Variants in RBFOX1 observed in about 807,000 individuals in gnomAD.
RBFOX1 encodes RNA binding fox-1 homolog 1, also known as RNA binding protein fox-1 homolog 1.
RBFOX1 carries 8 observed loss-of-function variants against 57.7 expected under a neutral mutation model. The observed-to-expected ratio is 0.14, with a 90% CI of 0.08 to 0.25. The LOEUF is 0.25. RBFOX1 is among the 10% of genes least tolerant of loss of function. RBFOX1 has a pLI of 1.00. For synonymous variants in RBFOX1, 326 were observed against 222.4 expected (o/e 1.47, Z -4.15); for missense variants, 611 against 548.5 (o/e 1.11, Z -1.14).
At chr16:7,702,255 T>G (rs1004745967) in intron 14 of RBFOX1, among the ~76,000 whole-genome samples, 4 of 152,242 alleles carry the variant, frequency 2.6e-5, no homozygotes, top group Admixed American at 2.0e-4. Flanking sequence ...TGAGGTGTCC[T>G]AAGCTCGGAA....
chr16:6,038,069 A>AT (rs948204014), intron 1 of RBFOX1: 3 of 151,992 alleles, frequency 2.0e-5, no homozygotes, highest in South Asian at 4.2e-4. Flanking sequence ...ATATCCCTAT[A>AT]TTTTTTGGCG....
intron 3 of RBFOX1, among the ~76,000 whole-genome samples, chr16:7,014,042 T>G (rs1245935616): frequency 6.6e-6 from 1 of 152,208 alleles, no homozygotes; most frequent in Non-Finnish European, 1.5e-5. Flanking sequence ...GGATGAAATA[T>G]GTAACAGTAT....
rs147639834 is a variant in RBFOX1 at position 6,349,713 on chromosome 16, T to A, written c.-64+32656T>A. Among the ~76,000 whole-genome samples, 285 of 152,312 alleles carry A rather than the reference T, an allele frequency of 1.9e-3. 12 individuals are homozygous for A. The East Asian group carries it at 0.038, about 20-fold the overall frequency. On this transcript the variant is annotated intron_variant, in intron 2 of 15. Transcript: ENST00000550418. ...GGGAGCTAAATAGAAAATCATGGCA[T>A]TTCCCATGAAAAAAAGAGTAACATT...
intron 2 of RBFOX1, among the ~76,000 whole-genome samples, chr16:6,365,024 A>G (rs1190906166): frequency 6.6e-6 from 1 of 152,144 alleles, no homozygotes; most frequent in East Asian, 1.9e-4. Context: ...CACTTGTAGC[A>G]TCTCACAGGG....
intron 1 of RBFOX1, among the ~76,000 whole-genome samples, chr16:6,309,219 G>A (rs933191529): frequency 6.6e-6 from 1 of 152,026 alleles, no homozygotes; most frequent in Non-Finnish European, 1.5e-5. Context: ...TCTAGCTAAA[G>A]TTTGGAGCCA....
chr16:7,333,170 A>C lies in RBFOX1; in HGVS notation c.28-184977A>C, dbSNP rs984485348. 2.3e-6 allele frequency: 3 copies of C among 1,332,972 alleles called. 1 individual carries two copies. The highest frequency in any genetic ancestry group is 3.2e-6 in the Non-Finnish European group (3 of 932,398). The allele number at this position is 1,332,972 out of a possible 1,614,324, so 82.6% of individuals were successfully genotyped here. A position where few individuals can be genotyped will look rare whatever the true frequency, so the allele number is the denominator to read the frequency against. On this transcript the variant is annotated intron_variant, in intron 4 of 15. Transcript: ENST00000550418. ...TTGGAATTTTTATGGTTGAGAAAGC[A>C]AACACTTTTAATACAGGAAAAAGCC...
intron 4 of RBFOX1, among the ~76,000 whole-genome samples, chr16:5,951,513 A>G (rs1203160233): frequency 1.3e-5 from 2 of 152,066 alleles, no homozygotes; most frequent in Non-Finnish European, 2.9e-5. Flanking sequence ...ATAACTATGT[A>G]TTACATTATG....
intron 1 of RBFOX1, among the ~76,000 whole-genome samples, chr16:5,276,608 C>CA (rs1309776501): frequency 3.3e-5 from 5 of 152,024 alleles, no homozygotes; most frequent in African/African-American, 1.2e-4. Context: ...CATGGTGAAA[C>CA]CCCGTCTCTA....
rs1003986953 is a variant in RBFOX1, at chr16:7,162,556, C to G, written c.27+110458C>G. On this transcript the variant is annotated intron_variant, in intron 4 of 15. Coordinates refer to ENST00000550418, the MANE Select transcript of RBFOX1 (RefSeq NM_018723.4). ...ACCAGCCTGGCCAACATGGTGAAAC[C>G]CTGTCTCTACTAAAAAAAAAAAAAA... 4.8e-5 allele frequency among the ~76,000 whole-genome samples: 7 copies of G among 146,012 alleles called. No individual in the cohort carries two copies. The South Asian group carries it at 1.2e-3, about 24-fold the overall frequency.
At chr16:5,730,824 A>C (rs781263606) in intron 3 of RBFOX1, among the ~76,000 whole-genome samples, 10 of 152,110 alleles carry the variant, frequency 6.6e-5, no homozygotes, top group Non-Finnish European at 1.2e-4. Flanking sequence ...TGCCATTGTC[A>C]CCACCATTAT....
chr16:6,192,137 C>G (rs1340805695), intron 1 of RBFOX1, among the ~76,000 whole-genome samples: 5 of 152,120 alleles, frequency 3.3e-5, no homozygotes, highest in Non-Finnish European at 5.9e-5. Flanking sequence ...ACTATTAATT[C>G]TGTTTCCTTC....
At chr16:6,331,039 A>C (rs1001914017) in intron 2 of RBFOX1, among the ~76,000 whole-genome samples, 1 of 152,242 alleles carries the variant, frequency 6.6e-6, no homozygotes, top group African/African-American at 2.4e-5. Flanking sequence ...GCAGCTCTTA[A>C]GGGATCTGAA....
At chr16:5,483,358 C>G (rs1057308283) in intron 2 of RBFOX1, among the ~76,000 whole-genome samples, 5 of 152,238 alleles carry the variant, frequency 3.3e-5, no homozygotes, top group Non-Finnish European at 5.9e-5. Flanking sequence ...CTGTCTGTGA[C>G]TGCTGCTCTT....
intron 2 of RBFOX1, among the ~76,000 whole-genome samples, chr16:6,401,882 G>T (rs1185199996): frequency 6.6e-6 from 1 of 151,822 alleles, no homozygotes; most frequent in African/African-American, 2.4e-5. Flanking sequence ...CCCTGTGATG[G>T]AGTAATTAGA....
At chr16:5,762,416 TCAGA>T (rs1406583602) in intron 3 of RBFOX1, among the ~76,000 whole-genome samples, 67 of 146,022 alleles carry the variant, frequency 4.6e-4, no homozygotes, top group African/African-American at 1.6e-3. Context: ...GGGTTGGGAG[TCAGA>T]CAGTCTCATA....
At chr16:7,356,993 G>A (rs2097226702) in intron 4 of RBFOX1, among the ~76,000 whole-genome samples, 1 of 152,188 alleles carries the variant, frequency 6.6e-6, no homozygotes, top group Non-Finnish European at 1.5e-5. Flanking sequence ...GGGCCCCTCT[G>A]TGCTTGGCCA....
chr16:6,043,850 G>A (rs2095468412), intron 1 of RBFOX1, among the ~76,000 whole-genome samples: 1 of 152,178 alleles, frequency 6.6e-6, no homozygotes, highest in South Asian at 2.1e-4. Context: ...ATTGTCCTGT[G>A]TCCTTCCTGA....
intron 2 of RBFOX1, among the ~76,000 whole-genome samples, chr16:5,495,588 G>C (rs1389552889): frequency 6.6e-6 from 1 of 152,212 alleles, no homozygotes; most frequent in African/African-American, 2.4e-5. Flanking sequence ...AGAAGACCCT[G>C]AAAACTGGAG....
rs185138269 is a variant in RBFOX1 at position 6,990,091 on chromosome 16, T to A, written c.-15-61966T>A. Among the ~76,000 whole-genome samples, 11 of 152,322 alleles carry A rather than the reference T, an allele frequency of 7.2e-5. No homozygotes were observed. In the East Asian group the frequency reaches 1.4e-3, roughly 19 times the overall value. The stretch of plus-strand genomic sequence containing the variant: ...ATATACTCTTCAAGAGGTCAGATAC[T>A]GCTTGTTTTTATGTGAACATATGTC... On this transcript the variant is annotated intron_variant, in intron 3 of 15. Transcript: ENST00000550418.
Sources: gnomAD v4.1 joint callset for allele counts (sites outside exome capture counted in the v4.1 genomes callset) on GRCh38, gnomAD v4.1.1 for gene constraint, MANE v1.5 for transcripts, NCBI Gene and HGNC (gene_info 2026-07-23, HGNC 2026-07-21) for gene names.